TEC: variants seen among roughly 807,000 people sequenced by gnomAD.
The protein encoded by TEC is tyrosine-protein kinase Tec.
A neutral mutation model predicts 93.0 loss-of-function variants in TEC; 72 were observed. The observed-to-expected ratio is 0.77, with a 90% CI of 0.64 to 0.94. The LOEUF (loss-of-function observed/expected upper bound fraction) is 0.94. TEC is among the 40% of genes least tolerant of loss of function. The probability of loss-of-function intolerance (pLI) is 0.00; values close to 1 mark genes in which losing one functional copy is unlikely to be tolerated. For synonymous variants in TEC, 249 were observed against 247.7 expected (o/e 1.01, Z -0.05); for missense variants, 630 against 757.9 (o/e 0.83, Z 1.98).
chr4:48,141,517 T>G, intron 14 of TEC, 98 bp from the exon 15 acceptor site: 1 of 1,220,528 alleles, frequency 8.2e-7, no homozygotes, highest in Non-Finnish European at 1.2e-6. Flanking sequence ...TGTAACCTAG[T>G]CAACATTTGC....
intron 1 of TEC, among the ~76,000 whole-genome samples, chr4:48,269,390 G>T (rs1339151536): frequency 6.6e-6 from 1 of 152,268 alleles, no homozygotes; most frequent in Non-Finnish European, 1.5e-5. Flanking sequence ...CCTGCTCGCC[G>T]CTGGGACGTG....
intron 2 of TEC, among the ~76,000 whole-genome samples, chr4:48,218,822 G>A (rs2664035): frequency 0.4 from 61,388 of 151,932 alleles, 12,553 homozygotes; most frequent in Admixed American, 0.44. Context: ...TCATGTCATC[G>A]TACTTGTAAC....
intron 3 of TEC, 51 bp from the exon 4 acceptor site, chr4:48,171,500 T>C: frequency 6.8e-7 from 1 of 1,465,106 alleles, no homozygotes; most frequent in Non-Finnish European, 9.5e-7. Context: ...GACACAGCAC[T>C]TCTGTCTAGC....
chr4:48,200,323 C>T (rs1402331659), intron 2 of TEC, among the ~76,000 whole-genome samples: 1 of 152,152 alleles, frequency 6.6e-6, no homozygotes, highest in East Asian at 1.9e-4. Flanking sequence ...TGTGGACAGG[C>T]TGGCAGGCTG....
At position 48,136,529 on chromosome 4, in the gene TEC, G is replaced by T. The variant is rs1719426877; in HGVS notation, c.*887C>A. The T allele has an allele frequency of 6.6e-6, 1 of 152,196 alleles. No individual in the cohort carries two copies. The highest frequency in any genetic ancestry group is 1.5e-5 in the Non-Finnish European group (1 of 68,082). 9.4% of individuals were successfully genotyped at this position (152,196 alleles called of 1,614,324 possible). A position where few individuals can be genotyped will look rare whatever the true frequency, so the allele number is the denominator to read the frequency against. On this transcript the variant is annotated 3_prime_UTR_variant, in exon 18 of 18. Coordinates refer to ENST00000381501, the MANE Select transcript of TEC (RefSeq NM_003215.3). ...TTAAGGCTTAGAAGTAGATTACCCG[G>T]TTTAATTTTCCATCTGATTCTGATT...
At position 48,146,417 on chromosome 4, in the gene TEC, C is replaced by T. The variant is rs776789000; in HGVS notation, c.1007-18G>A. Reference sequence around the variant, plus strand: ...GACAAGTCCTAATAATCAAAGAAAGCGTTGCAGTCAAACTCATTCATAATC... The same window carrying T: ...GACAAGTCCTAATAATCAAAGAAAGTGTTGCAGTCAAACTCATTCATAATC... On this transcript the variant is annotated intron_variant, in intron 11 of 17. Coordinates refer to ENST00000381501, the MANE Select transcript of TEC (RefSeq NM_003215.3). The T allele has an allele frequency of 1.4e-5, 22 of 1,610,700 alleles. No individual in the cohort carries two copies. Among genetic ancestry groups the T allele is most frequent in the Middle Eastern group, 1.7e-4 (1 of 6,054 alleles).
intron 8 of TEC, among the ~76,000 whole-genome samples, chr4:48,158,466 A>G (rs1400200819): frequency 2.6e-5 from 4 of 152,186 alleles, no homozygotes; most frequent in African/African-American, 7.2e-5. Flanking sequence ...AAATTAGGAG[A>G]ACAGAATTCT....
At chr4:48,183,207 T>C (rs140804324) in intron 2 of TEC, among the ~76,000 whole-genome samples, 1 of 152,338 alleles carries the variant, frequency 6.6e-6, no homozygotes, top group Non-Finnish European at 1.5e-5. Flanking sequence ...TTTCTCTCTG[T>C]GCTTCAGTTC....
At chr4:48,241,215 GT>G (rs1054981041) in intron 1 of TEC, among the ~76,000 whole-genome samples, 22 of 146,190 alleles carry the variant, frequency 1.5e-4, no homozygotes, top group South Asian at 4.3e-4. Context: ...TGCTGTTTCT[GT>G]TTTTTTTTTT....
At chr4:48,257,321 G>A (rs1179626471) in intron 1 of TEC, among the ~76,000 whole-genome samples, 2 of 152,180 alleles carry the variant, frequency 1.3e-5, no homozygotes, top group Non-Finnish European at 2.9e-5. Flanking sequence ...CTGCTTTGAA[G>A]ACATCTTAAG....
At chr4:48,164,660 T>C (rs1720808850) in intron 7 of TEC, among the ~76,000 whole-genome samples, 1 of 152,102 alleles carries the variant, frequency 6.6e-6, no homozygotes. Context: ...ATTGCCACTG[T>C]CTCTAAATAC....
At chr4:48,191,156 T>G (rs1193660222) in intron 2 of TEC, among the ~76,000 whole-genome samples, 1 of 152,196 alleles carries the variant, frequency 6.6e-6, no homozygotes, top group Non-Finnish European at 1.5e-5. Flanking sequence ...ATTATTAGAT[T>G]AACATAACCT....
intron 2 of TEC, among the ~76,000 whole-genome samples, chr4:48,225,010 A>C (rs1253693089): frequency 1.3e-5 from 2 of 152,328 alleles, no homozygotes; most frequent in East Asian, 3.9e-4. Context: ...TGAAAACAGG[A>C]GAACTATGAA....
chr4:48,230,075 C>CAATAAT (rs71654901), intron 1 of TEC, among the ~76,000 whole-genome samples: 172 of 147,014 alleles, frequency 1.2e-3, no homozygotes, highest in Middle Eastern at 3.5e-3. Flanking sequence ...AACTCCGTCT[C>CAATAAT]AATAATAATA....
chr4:48,249,398 G>A (rs893914693), intron 1 of TEC, among the ~76,000 whole-genome samples: 1 of 152,168 alleles, frequency 6.6e-6, no homozygotes, highest in Admixed American at 6.5e-5. Context: ...ACCACTTTTG[G>A]CAAAACTTGA....
chr4:48,163,827 G>GAAAA, intron 7 of TEC, 60 bp from the exon 8 acceptor site: 1 of 925,938 alleles, frequency 1.1e-6, no homozygotes, highest in Non-Finnish European at 1.6e-6. Flanking sequence ...TTGAAAGAAA[G>GAAAA]AAAGATTATT....
chr4:48,184,739 T>C (rs1721728419), intron 2 of TEC, among the ~76,000 whole-genome samples: 1 of 150,752 alleles, frequency 6.6e-6, no homozygotes, highest in African/African-American at 2.4e-5. Flanking sequence ...ATGGCATGTT[T>C]AGCAACAAAG....
intron 2 of TEC, among the ~76,000 whole-genome samples, chr4:48,220,150 CCTAAATACATT>C (rs1418648461): frequency 6.7e-6 from 1 of 149,558 alleles, no homozygotes; most frequent in Non-Finnish European, 1.5e-5. Context: ...ATCTTAAATT[CCTAAATACATT>C]TAGGATTGAG....
intron 3 of TEC, among the ~76,000 whole-genome samples, 197 bp from the exon 4 acceptor site, chr4:48,171,646 C>T (rs908291055): frequency 2.0e-5 from 3 of 152,148 alleles, no homozygotes; most frequent in African/African-American, 7.2e-5. Flanking sequence ...AAGTAGAATA[C>T]ACGTTTTGCA....
Sources: gnomAD v4.1 joint callset for allele counts (sites outside exome capture counted in the v4.1 genomes callset) on GRCh38, gnomAD v4.1.1 for gene constraint, MANE v1.5 for transcripts, NCBI Gene and HGNC (gene_info 2026-07-23, HGNC 2026-07-21) for gene names.